DHX29: variants seen among roughly 807,000 people sequenced by gnomAD.
DHX29 encodes the protein ATP-dependent RNA helicase DHX29.
DHX29 carries 79 observed loss-of-function variants against 167.9 expected under a neutral mutation model. The ratio of observed to expected loss-of-function variants is 0.47; its 90% CI spans 0.39 to 0.57. DHX29 has a LOEUF of 0.57. Ranked by LOEUF, DHX29 falls within the 20% of genes least tolerant of loss-of-function variation. The pLI is 0.00. For missense variants in DHX29, 1,347 were observed against 1,593.4 expected (o/e 0.85, Z 2.63); for synonymous variants, 530 against 546.0 (o/e 0.97, Z 0.41).
intron 26 of DHX29, among the ~76,000 whole-genome samples, chr5:55,258,180 C>T (rs561741703): frequency 2.0e-5 from 3 of 152,248 alleles, no homozygotes; most frequent in Admixed American, 6.5e-5. Context: ...AATTTAAGTG[C>T]TTCCTGGTGT....
chr5:55,295,397 T>C lies in DHX29; in HGVS notation c.633A>G (p.Glu211=), dbSNP rs1164577529. 1.2e-6 allele frequency: 2 copies of C among 1,612,538 alleles called. No individual in the cohort carries two copies. Among genetic ancestry groups the C allele is most frequent in the Non-Finnish European group, 1.7e-6 (2 of 1,178,700 alleles). The stretch of plus-strand genomic sequence containing the variant: ...AAATTACCTTACTCTTAGGGTCCTC[T>C]TCATATGTTTTTGTTTTAGGTTGCA... The part of the protein sequence containing the change: ...PPLQPKTKTY[E]EDPKSKPKKE... The change falls in exon 5 of 27, where the codon GAA becomes GAG. Residue 211 remains glutamate, a synonymous_variant. Coordinates refer to ENST00000251636, the MANE Select transcript of DHX29 (RefSeq NM_019030.4).
chr5:55,257,304 C>T (rs72751703), intron 26 of DHX29, among the ~76,000 whole-genome samples: 9,860 of 152,204 alleles, frequency 0.065, 388 homozygotes, highest in Non-Finnish European at 0.088. Context: ...AGAATGCTGT[C>T]GCTTTCAATA....
chr5:55,285,299 T>C lies in DHX29; in HGVS notation c.1350A>G (p.Lys450=). The C allele has an allele frequency of 6.2e-7, 1 of 1,613,914 alleles. No homozygotes were observed. Among genetic ancestry groups the C allele is most frequent in the East Asian group, 2.2e-5 (1 of 44,876 alleles). ...GATLALYRLV[K]GQSVHQLLPP... ...TAGGCCTAAAAAGTCTTACCTGCCC[T>C]TTAACTAAACGGTAAAGGGCTAAAG... The change falls in exon 10 of 27, where the codon AAA becomes AAG. Residue 450 remains lysine, a synonymous_variant. Coordinates refer to ENST00000251636, the MANE Select transcript of DHX29 (RefSeq NM_019030.4).
chr5:55,302,819 G>A (rs1217653926), intron 1 of DHX29, among the ~76,000 whole-genome samples: 10 of 152,026 alleles, frequency 6.6e-5, no homozygotes, highest in Non-Finnish European at 1.3e-4. Flanking sequence ...ACTGGGCCAC[G>A]TTCACTTTTG....
chr5:55,296,420 C>A, intron 3 of DHX29, 71 bp from the exon 4 acceptor site: 6 of 1,435,700 alleles, frequency 4.2e-6, no homozygotes, highest in South Asian at 1.7e-5. Context: ...TTATCCCATT[C>A]ATTTTAAACC....
chr5:55,272,046 T>A, intron 18 of DHX29, 41 bp downstream of exon 18: 2 of 1,224,420 alleles, frequency 1.6e-6, no homozygotes, highest in South Asian at 2.8e-5. Context: ...CCAACCTCTT[T>A]CCAGGTTAAA....
rs139538341 is a variant in DHX29, at chr5:55,298,142, T to C, written c.261+449A>G. 5.3e-5 allele frequency among the ~76,000 whole-genome samples: 8 copies of C among 151,972 alleles called. No individual in the cohort carries two copies. In the East Asian group the frequency reaches 1.4e-3, roughly 26 times the overall value. ...CCAAGAAAATCAACTTGGCGGTTGA[T>C]AAAGGACTTCATAGAGGTCACAGAG... On this transcript the variant is annotated intron_variant, in intron 2 of 26. Transcript: ENST00000251636.
chr5:55,285,142 A>G (rs1300960023), intron 10 of DHX29, 151 bp downstream of exon 10: 3 of 1,183,674 alleles, frequency 2.5e-6, no homozygotes, highest in African/African-American at 1.6e-5. Flanking sequence ...AAGAGGAACG[A>G]AAGATCAAAC....
intron 12 of DHX29, among the ~76,000 whole-genome samples, chr5:55,278,462 CAG>C (rs759501541): frequency 3.3e-5 from 5 of 152,148 alleles, no homozygotes; most frequent in Non-Finnish European, 7.3e-5. Flanking sequence ...GCAAATTTCA[CAG>C]AGTTGTGACA....
chr5:55,264,560 G>A (rs969360298), intron 23 of DHX29, among the ~76,000 whole-genome samples: 1 of 152,154 alleles, frequency 6.6e-6, no homozygotes, highest in Admixed American at 6.5e-5. Flanking sequence ...TCTTCCGTAC[G>A]AAAAGCAAGG....
rs569375993 is a variant in DHX29, at chr5:55,264,112, C to A, written c.3526-1180G>T. Among the ~76,000 whole-genome samples the A allele has an allele frequency of 5.3e-5, 8 of 151,738 alleles. No homozygotes were observed. The East Asian group carries it at 1.6e-3, about 30-fold the overall frequency. ...GAATTCAAAACCAGCCTGGCCAACACAGTGAGACCCCATCTATTTAAAAAA... is the reference window on the plus strand; with the variant it reads ...GAATTCAAAACCAGCCTGGCCAACAAAGTGAGACCCCATCTATTTAAAAAA... On this transcript the variant is annotated intron_variant, in intron 23 of 26. Transcript: ENST00000251636.
At chr5:55,269,076 T>G (rs957688774) in intron 21 of DHX29, among the ~76,000 whole-genome samples, 1 of 151,762 alleles carries the variant, frequency 6.6e-6, no homozygotes, top group East Asian at 1.9e-4. Context: ...TGAAACCCCA[T>G]CTCTACTAAA....
At chr5:55,300,384 T>C (rs1748539022) in intron 1 of DHX29, among the ~76,000 whole-genome samples, 1 of 144,502 alleles carries the variant, frequency 6.9e-6, no homozygotes, top group Non-Finnish European at 1.5e-5. Context: ...CTAATAATAA[T>C]AATAATAGGC....
intron 21 of DHX29, 72 bp downstream of exon 21, chr5:55,269,341 T>C: frequency 6.7e-7 from 1 of 1,486,906 alleles, no homozygotes; most frequent in South Asian, 1.2e-5. Flanking sequence ...TACTTAACAA[T>C]TGTTTCCAAA....
At chr5:55,279,183 G>C (rs992603184) in intron 12 of DHX29, among the ~76,000 whole-genome samples, 49 of 152,216 alleles carry the variant, frequency 3.2e-4, no homozygotes, top group African/African-American at 1.2e-3. Flanking sequence ...AAATGTACTT[G>C]AGAAAGGCAA....
At chr5:55,266,993 G>A (rs199973581) in intron 23 of DHX29, 145 bp downstream of exon 23, 1 of 501,818 alleles carries the variant, frequency 2.0e-6, no homozygotes, top group Non-Finnish European at 3.4e-6. Context: ...CTGGAAGAAA[G>A]AAGTACAATC....
Position 55,290,215 on chromosome 5 carries a change from T to C in DHX29, c.907+3A>G. ...ATACATCTAAGTATTTGAAAGTGTTTACCTCTTTGAAATTTCCTTATTTTT... is the reference window on the plus strand; with the variant it reads ...ATACATCTAAGTATTTGAAAGTGTTCACCTCTTTGAAATTTCCTTATTTTT... On this transcript the variant is annotated splice_donor_region_variant and intron_variant, in intron 7 of 26. Transcript: ENST00000251636. The C allele has an allele frequency of 6.2e-7, 1 of 1,606,290 alleles. No individual in the cohort carries two copies. The highest frequency in any genetic ancestry group is 8.5e-7 in the Non-Finnish European group (1 of 1,178,500).
At chr5:55,301,832 A>G (rs1284839353) in intron 1 of DHX29, among the ~76,000 whole-genome samples, 7 of 152,136 alleles carry the variant, frequency 4.6e-5, no homozygotes, top group African/African-American at 1.7e-4. Flanking sequence ...TAAACATTAA[A>G]TGTTCTTATG....
chr5:55,294,289 AAATT>A, intron 5 of DHX29, 144 bp from the exon 6 acceptor site: 1 of 767,772 alleles, frequency 1.3e-6, no homozygotes, highest in East Asian at 3.0e-5. Flanking sequence ...AAGGACAAAT[AAATT>A]GACCTTAACA....
Sources: gnomAD v4.1 joint callset for allele counts (sites outside exome capture counted in the v4.1 genomes callset) on GRCh38, gnomAD v4.1.1 for gene constraint, MANE v1.5 for transcripts, NCBI Gene and HGNC (gene_info 2026-07-23, HGNC 2026-07-21) for gene names.